The following WDFY3 variants were observed in gnomAD, a reference collection of about 807,000 sequenced individuals.
WDFY3 encodes WD repeat and FYVE domain containing 3.
WDFY3 carries 66 observed loss-of-function variants against 409.6 expected under a neutral mutation model. The ratio of observed to expected loss-of-function variants is 0.16; its 90% CI spans 0.13 to 0.20. WDFY3 has a LOEUF of 0.20. WDFY3 is among the 10% of genes least tolerant of loss of function. The probability of loss-of-function intolerance (pLI) is 1.00; values close to 1 mark genes in which losing one functional copy is unlikely to be tolerated. For synonymous variants in WDFY3, 1,521 were observed against 1,537.1 expected (o/e 0.99, Z 0.25); for missense variants, 3,031 against 4,298.1 (o/e 0.71, Z 8.24).
At chr4:84,882,861 G>A (rs2150415030) in intron 3 of WDFY3, among the ~76,000 whole-genome samples, 1 of 151,994 alleles carries the variant, frequency 6.6e-6, no homozygotes. Context: ...CTACAGGTAT[G>A]CACATGTGGC....
intron 17 of WDFY3, among the ~76,000 whole-genome samples, chr4:84,799,424 G>A (rs1304808152): frequency 6.7e-6 from 1 of 149,868 alleles, no homozygotes; most frequent in Non-Finnish European, 1.5e-5. Context: ...CTCCTGCGTT[G>A]GCCTCCCAAA....
intron 3 of WDFY3, chr4:84,879,562 T>G (rs1022128250): frequency 5.9e-5 from 9 of 151,536 alleles, no homozygotes; most frequent in Non-Finnish European, 2.9e-5. Flanking sequence ...AAGTACAACC[T>G]CAGGTTAAGG....
At chr4:84,934,109 T>C (rs1771112502) in intron 1 of WDFY3, among the ~76,000 whole-genome samples, 1 of 152,144 alleles carries the variant, frequency 6.6e-6, no homozygotes, top group South Asian at 2.1e-4. Context: ...CTGTTCTCTA[T>C]AATGTCTGTA....
At chr4:84,930,812 T>G (rs9684737) in intron 2 of WDFY3, among the ~76,000 whole-genome samples, 61,935 of 152,008 alleles carry the variant, frequency 0.41, 13,189 homozygotes, top group African/African-American at 0.52. Context: ...CCTTTTTAAT[T>G]CTGGGTAACA....
intron 44 of WDFY3, among the ~76,000 whole-genome samples, chr4:84,727,726 G>A (rs533525781): frequency 1.3e-5 from 2 of 152,162 alleles, no homozygotes; most frequent in East Asian, 3.9e-4. Context: ...ATGACTTCTG[G>A]TACCTTTCCC....
chr4:84,783,205 G>A, intron 24 of WDFY3, 131 bp from the exon 25 acceptor site: 3 of 825,802 alleles, frequency 3.6e-6, no homozygotes, highest in Non-Finnish European at 5.8e-6. Context: ...TGAAAAACGA[G>A]CATTTAGGTC....
chr4:84,881,163 T>G (rs557659298), intron 3 of WDFY3, among the ~76,000 whole-genome samples: 1 of 152,194 alleles, frequency 6.6e-6, no homozygotes, highest in Non-Finnish European at 1.5e-5. Flanking sequence ...TACGCATCAA[T>G]TGCTTAATAT....
At chr4:84,794,056 T>C (rs1204479450) in intron 21 of WDFY3, among the ~76,000 whole-genome samples, 3 of 152,154 alleles carry the variant, frequency 2.0e-5, no homozygotes, top group African/African-American at 7.2e-5. Context: ...TCATGGCATG[T>C]TGGAGAAAAC....
chr4:84,840,088 T>A (rs1757123606), intron 6 of WDFY3, among the ~76,000 whole-genome samples: 1 of 152,128 alleles, frequency 6.6e-6, no homozygotes, highest in African/African-American at 2.4e-5. Flanking sequence ...TGTTTGAAAG[T>A]CCACTGTAAC....
intron 3 of WDFY3, among the ~76,000 whole-genome samples, chr4:84,874,962 G>A (rs1762573255): frequency 6.6e-6 from 1 of 151,892 alleles, no homozygotes; most frequent in Non-Finnish European, 1.5e-5. Flanking sequence ...GAATACTATA[G>A]GCAACTGTAA....
At chr4:84,943,017 C>T (rs1263090913) in intron 1 of WDFY3, among the ~76,000 whole-genome samples, 1 of 152,182 alleles carries the variant, frequency 6.6e-6, no homozygotes, top group South Asian at 2.1e-4. Flanking sequence ...TGTGGATTTT[C>T]TTCTGCCTCT....
intron 10 of WDFY3, among the ~76,000 whole-genome samples, chr4:84,824,449 T>C (rs1754556617): frequency 6.6e-6 from 1 of 152,222 alleles, no homozygotes; most frequent in Admixed American, 6.5e-5. Flanking sequence ...TTGGGGACCT[T>C]GGAACACATT....
intron 32 of WDFY3, among the ~76,000 whole-genome samples, chr4:84,758,980 A>T (rs924651288): frequency 6.6e-6 from 1 of 152,140 alleles, no homozygotes. Flanking sequence ...TGATTTTTGT[A>T]TAAGGTGTAA....
rs995675419 is a variant in WDFY3 at position 84,696,637 on chromosome 4, C to T, written c.8688+95G>A. 4.7e-6 allele frequency: 6 copies of T among 1,273,546 alleles called. No individual in the cohort carries two copies. In the African/African-American group the frequency reaches 7.4e-5, roughly 16 times the overall value. The allele number at this position is 1,273,546 out of a possible 1,614,324, so 78.9% of individuals were successfully genotyped here. ...TAAGGGGACCTGGCTGTATTAGTAA[C>T]AAACAGGTGGTACTCTGGCTAGAGG... On this transcript the variant is annotated intron_variant, in intron 57 of 67. Coordinates refer to ENST00000295888, the MANE Select transcript of WDFY3 (RefSeq NM_014991.6).
chr4:84,803,270 A>C lies in WDFY3; in HGVS notation c.2607+20T>G, dbSNP rs1750947807. 1.3e-6 allele frequency: 2 copies of C among 1,588,940 alleles called. No homozygotes were observed. Among genetic ancestry groups the C allele is most frequent in the Non-Finnish European group, 8.6e-7 (1 of 1,169,488 alleles). ...TTCATTTCATTACAGACGGGAAGGAACTAACATATTCAAGCTTACTTCTGG... is the reference window on the plus strand; with the variant it reads ...TTCATTTCATTACAGACGGGAAGGACCTAACATATTCAAGCTTACTTCTGG... On this transcript the variant is annotated intron_variant, in intron 16 of 67. Coordinates refer to ENST00000295888, the MANE Select transcript of WDFY3 (RefSeq NM_014991.6).
intron 1 of WDFY3, among the ~76,000 whole-genome samples, chr4:84,936,011 A>G (rs1771359052): frequency 6.6e-6 from 1 of 152,196 alleles, no homozygotes; most frequent in Admixed American, 6.5e-5. Flanking sequence ...TCCAATTTAG[A>G]GTAAGTCAGT....
chr4:84,713,793 G>A (rs1357421280), intron 50 of WDFY3, among the ~76,000 whole-genome samples: 1 of 152,196 alleles, frequency 6.6e-6, no homozygotes, highest in Non-Finnish European at 1.5e-5. Context: ...TATCTTTTAA[G>A]TACCAGAGAT....
intron 26 of WDFY3, among the ~76,000 whole-genome samples, chr4:84,779,192 G>A (rs1578477746): frequency 6.6e-6 from 1 of 151,976 alleles, no homozygotes; most frequent in African/African-American, 2.4e-5. Flanking sequence ...GATAAACAAC[G>A]CTGCAATAAT....
intron 29 of WDFY3, 47 bp from the exon 30 acceptor site, chr4:84,772,976 C>T: frequency 7.0e-7 from 1 of 1,429,154 alleles, no homozygotes; most frequent in South Asian, 1.3e-5. Flanking sequence ...TTTCCTCTTC[C>T]CAAAACAAAC....
Sources: gnomAD v4.1 joint callset for allele counts (sites outside exome capture counted in the v4.1 genomes callset) on GRCh38, gnomAD v4.1.1 for gene constraint, MANE v1.5 for transcripts, NCBI Gene and HGNC (gene_info 2026-07-23, HGNC 2026-07-21) for gene names.